Variants in MIEF1 observed in about 807,000 individuals in gnomAD.
MIEF1 encodes mitochondrial elongation factor 1.
In MIEF1, 14 loss-of-function variants were observed where a neutral mutation model predicts 35.1. The ratio of observed to expected loss-of-function variants is 0.40; its 90% CI spans 0.26 to 0.62. The LOEUF (loss-of-function observed/expected upper bound fraction) is 0.62, where lower values mean the gene tolerates loss of function less well. Among genes scored for constraint, MIEF1 ranks in the 20% least tolerant of loss-of-function variants. The probability of loss-of-function intolerance (pLI) is 0.43; values close to 1 mark genes in which losing one functional copy is unlikely to be tolerated. For missense variants in MIEF1, 542 were observed against 615.4 expected (o/e 0.88, Z 1.26); for synonymous variants, 245 against 254.3 (o/e 0.96, Z 0.35).
chr22:39,501,074 T>G (rs574263207), upstream of MIEF1, among the ~76,000 whole-genome samples: 3 of 152,128 alleles, frequency 2.0e-5, no homozygotes, highest in Non-Finnish European at 4.4e-5. Flanking sequence ...CAGATCCCAT[T>G]GAAAGGGAAG....
At position 39,504,197 on chromosome 22, in the gene MIEF1, T is replaced by G; in HGVS notation, c.-339-6T>G. The stretch of plus-strand genomic sequence containing the variant: ...TAGGCTTGTATGTCTTTCCTTCTGT[T>G]TATAGTGTGACACCCAGCCCCTGCC... On this transcript the variant is annotated splice_polypyrimidine_tract_variant and splice_region_variant and intron_variant, in intron 1 of 5. Coordinates refer to ENST00000325301, the MANE Select transcript of MIEF1 (RefSeq NM_019008.6). The G allele has an allele frequency of 2.5e-6, 1 of 399,092 alleles. No individual in the cohort carries two copies. The highest frequency in any genetic ancestry group is 4.4e-6 in the Non-Finnish European group (1 of 226,122). 24.7% of individuals were successfully genotyped at this position (399,092 alleles called of 1,614,324 possible).
chr22:39,505,323 G>A (rs1300557210), intron 2 of MIEF1, among the ~76,000 whole-genome samples: 1 of 152,176 alleles, frequency 6.6e-6, no homozygotes, highest in Non-Finnish European at 1.5e-5. Context: ...TAGCTGGGAC[G>A]CCAGGCATGT....
In MIEF1 at chr22:39,514,464, T is replaced by G. The variant is rs2232096; in HGVS notation, c.*141T>G. 1 of 740,832 alleles carries G rather than the reference T, an allele frequency of 1.3e-6. No homozygotes were observed. Among genetic ancestry groups the G allele is most frequent in the Non-Finnish European group, 2.2e-6 (1 of 455,978 alleles). The allele number at this position is 740,832 out of a possible 1,614,324, so 45.9% of individuals were successfully genotyped here. A position where few individuals can be genotyped will look rare whatever the true frequency, so the allele number is the denominator to read the frequency against. ...ATCACCCTGGTCACTTCATGCTGAT[T>G]AGAATGACATCTCTTTCGTCTCCTA... On this transcript the variant is annotated 3_prime_UTR_variant, in exon 6 of 6. Coordinates refer to ENST00000325301, the MANE Select transcript of MIEF1 (RefSeq NM_019008.6).
intron 2 of MIEF1, among the ~76,000 whole-genome samples, chr22:39,510,802 A>C (rs1930288942): frequency 6.7e-6 from 1 of 149,730 alleles, no homozygotes; most frequent in Non-Finnish European, 1.5e-5. Context: ...AACCCCTGTG[A>C]AGGGGTAGAG....
Position 39,513,853 on chromosome 22 carries a change from C to G in MIEF1, c.922C>G (p.Leu308Val). 1 of 1,614,130 alleles carries G rather than the reference C, an allele frequency of 6.2e-7. No individual in the cohort carries two copies. Among genetic ancestry groups the G allele is most frequent in the Non-Finnish European group, 8.5e-7 (1 of 1,180,038 alleles). ...GGTGCAGTATGAGCGTGACAAACAT[C>G]TCTTCATTGACTTCCTGCCATCAGT... ...LEVQYERDKHLFIDFLPSVTL... is the reference protein window; with the variant it reads ...LEVQYERDKHVFIDFLPSVTL... Residue 308 changes from leucine (L) to valine (V), a missense_variant, in exon 6 of 6, where the codon CTC (leucine) becomes GTC (valine). Leu to Val is a conservative substitution (Grantham distance 32). Coordinates refer to ENST00000325301, the MANE Select transcript of MIEF1 (RefSeq NM_019008.6).
At chr22:39,507,245 G>T (rs964300570) in intron 2 of MIEF1, among the ~76,000 whole-genome samples, 18 of 152,030 alleles carry the variant, frequency 1.2e-4, no homozygotes, top group African/African-American at 4.3e-4. Flanking sequence ...ACTACAGTAG[G>T]AAAAGCCTTT....
At chr22:39,509,910 A>G (rs1044018735) in intron 2 of MIEF1, among the ~76,000 whole-genome samples, 1 of 152,184 alleles carries the variant, frequency 6.6e-6, no homozygotes, top group Non-Finnish European at 1.5e-5. Flanking sequence ...CAGTAGAAAA[A>G]GCGTCATACA....
At chr22:39,513,225 T>C (rs1465542145) in intron 5 of MIEF1, among the ~76,000 whole-genome samples, 1 of 151,758 alleles carries the variant, frequency 6.6e-6, no homozygotes, top group African/African-American at 2.4e-5. Flanking sequence ...CTCAGCCTCC[T>C]GAGTAGCTGG....
chr22:39,507,433 G>A (rs1007288531), intron 2 of MIEF1, among the ~76,000 whole-genome samples: 2 of 151,778 alleles, frequency 1.3e-5, no homozygotes, highest in Non-Finnish European at 2.9e-5. Context: ...TTTTAGTAGA[G>A]ACAGAGGTTC....
At chr22:39,509,884 A>G (rs1930243951) in intron 2 of MIEF1, among the ~76,000 whole-genome samples, 1 of 152,178 alleles carries the variant, frequency 6.6e-6, no homozygotes, top group African/African-American at 2.4e-5. Flanking sequence ...TGATTTGGGT[A>G]AGGGTGAGCA....
intron 2 of MIEF1, among the ~76,000 whole-genome samples, chr22:39,509,071 T>C (rs59775186): frequency 0.068 from 10,315 of 151,996 alleles, 1,188 homozygotes; most frequent in African/African-American, 0.24. Flanking sequence ...TCTCCTGCCT[T>C]GGCCTCCCGA....
Position 39,502,362 on chromosome 22 carries a change from A to T in MIEF1, c.-415A>T, listed in dbSNP as rs1334820138. 6.6e-6 allele frequency: 1 copy of T among 152,374 alleles called. No individual in the cohort carries two copies. Among genetic ancestry groups the T allele is most frequent in the African/African-American group, 2.4e-5 (1 of 41,468 alleles). 9.4% of individuals were successfully genotyped at this position (152,374 alleles called of 1,614,324 possible). On this transcript the variant is annotated 5_prime_UTR_variant, in exon 1 of 6. The change abolishes an upstream ATG in the 5' untranslated region. Transcript: ENST00000325301. ...GTCGTGTCCCGGAAGTGAAGGGGCCATGTTGATGGGTGACCCGGGGAGAGG... is the reference window on the plus strand; with the variant it reads ...GTCGTGTCCCGGAAGTGAAGGGGCCTTGTTGATGGGTGACCCGGGGAGAGG...
intron 1 of MIEF1, 197 bp from the exon 2 acceptor site, chr22:39,504,006 T>A (rs1369586615): frequency 5.3e-6 from 2 of 378,828 alleles, no homozygotes; most frequent in African/African-American, 4.1e-5. Context: ...TGAGCCCTGG[T>A]GAACCACAAC....
intron 5 of MIEF1, 34 bp downstream of exon 5, chr22:39,512,528 G>C: frequency 6.3e-7 from 1 of 1,583,366 alleles, no homozygotes; most frequent in Non-Finnish European, 8.6e-7. Context: ...GGTGGGGTTT[G>C]AGTGCTGAGC....
Position 39,513,702 on chromosome 22 carries a change from C to T in MIEF1, c.771C>T (p.Leu257=). The change falls in exon 6 of 6, where the codon CTC becomes CTT. Residue 257 remains leucine (L), a synonymous_variant. Transcript: ENST00000325301. ...ACCGCTGTGTAGTAGGGGGCTACCTCTCTCCAAAGACAGTCGCAGATACAT... is the reference window on the plus strand; with the variant it reads ...ACCGCTGTGTAGTAGGGGGCTACCTTTCTCCAAAGACAGTCGCAGATACAT... ...YWDRCVVGGY[L]SPKTVADTFE... is the part of the protein sequence containing the mutation. 1 of 1,614,186 alleles carries T rather than the reference C, an allele frequency of 6.2e-7. No individual in the cohort carries two copies. The highest frequency in any genetic ancestry group is 1.7e-5 in the Admixed American group (1 of 60,022).
In MIEF1 at chr22:39,514,123, G is replaced by A; in HGVS notation, c.1192G>A (p.Asp398Asn). 1 of 1,614,206 alleles carries A rather than the reference G, an allele frequency of 6.2e-7. No individual in the cohort carries two copies. The highest frequency in any genetic ancestry group is 8.5e-7 in the Non-Finnish European group (1 of 1,180,048). Reference protein sequence around the residue: ...VILHLAQEEADWSPDMLADRF... With the variant: ...VILHLAQEEANWSPDMLADRF... ...CCTCCACTTGGCCCAGGAGGAGGCTGACTGGTCTCCGGATATGCTGGCCGA... is the reference window on the plus strand; with the variant it reads ...CCTCCACTTGGCCCAGGAGGAGGCTAACTGGTCTCCGGATATGCTGGCCGA... The change falls in exon 6 of 6, where the codon GAC becomes AAC. Residue 398 changes from aspartate to asparagine, a missense_variant. Coordinates refer to ENST00000325301, the MANE Select transcript of MIEF1 (RefSeq NM_019008.6).
chr22:39,513,756 T>C lies in MIEF1; in HGVS notation c.825T>C (p.Asn275=). The change falls in exon 6 of 6, where the codon AAT becomes AAC. Residue 275 remains asparagine (N), a synonymous_variant. Transcript: ENST00000325301. ...TFEKVVAGSI[N]WPAIGSLLDY... is the part of the protein sequence containing the mutation. The stretch of plus-strand genomic sequence containing the variant: ...AGAAGGTAGTGGCTGGCTCCATCAA[T>C]TGGCCAGCCATAGGGTCCCTCTTGG... The C allele has an allele frequency of 6.2e-7, 1 of 1,614,026 alleles. No homozygotes were observed. Among genetic ancestry groups the C allele is most frequent in the South Asian group, 1.1e-5 (1 of 91,078 alleles).
In MIEF1 at chr22:39,515,382, C is replaced by T. The variant is rs572551883; in HGVS notation, c.*1059C>T. 1.4e-6 allele frequency: 1 copy of T among 715,064 alleles called. No homozygotes were observed. The allele number at this position is 715,064 out of a possible 1,614,324, so 44.3% of individuals were successfully genotyped here. A position where few individuals can be genotyped will look rare whatever the true frequency, so the allele number is the denominator to read the frequency against. Reference sequence around the variant, plus strand: ...AGGCCCTGCTTTTCTAGGATGTGGCCTTAGAGCAAGAACAGACCCAACAGC... The same window carrying T: ...AGGCCCTGCTTTTCTAGGATGTGGCTTTAGAGCAAGAACAGACCCAACAGC... On this transcript the variant is annotated 3_prime_UTR_variant, in exon 6 of 6. Coordinates refer to ENST00000325301, the MANE Select transcript of MIEF1 (RefSeq NM_019008.6).
chr22:39,503,601 C>G (rs1044200258), intron 1 of MIEF1: 4 of 152,198 alleles, frequency 2.6e-5, no homozygotes, highest in African/African-American at 9.7e-5. Flanking sequence ...TCGTGTGTGC[C>G]AAGTGCTGTT....
Sources: allele counts gnomAD v4.1 joint callset (sites outside exome capture counted in the v4.1 genomes callset), GRCh38; gene constraint gnomAD v4.1.1; transcripts MANE v1.5; gene names NCBI Gene and HGNC (gene_info 2026-07-23, HGNC 2026-07-21).